Variants in AKAP13 observed in about 807,000 individuals in gnomAD.
AKAP13 encodes the protein A-kinase anchoring protein 13.
AKAP13 carries 80 observed loss-of-function variants against 264.5 expected under a neutral mutation model. The ratio of observed to expected loss-of-function variants is 0.30; its 90% CI spans 0.25 to 0.36. AKAP13 has a LOEUF of 0.36. Among genes scored for constraint, AKAP13 ranks in the 10% least tolerant of loss-of-function variants. The probability of loss-of-function intolerance (pLI) is 1.00; values close to 1 mark genes in which losing one functional copy is unlikely to be tolerated. For missense variants in AKAP13, 3,712 were observed against 3,435.2 expected, an observed-to-expected ratio of 1.08 and a Z score of -2.01; for synonymous variants, 1,380 against 1,250.2, an observed-to-expected ratio of 1.10 and a Z score of -2.19.
At chr15:85,695,464 T>G (rs2085516236) in intron 17 of AKAP13, among the ~76,000 whole-genome samples, 1 of 152,160 alleles carries the variant, frequency 6.6e-6, no homozygotes, top group Non-Finnish European at 1.5e-5. Context: ...CTGTGATGAT[T>G]TTCACTCACT....
At chr15:85,567,320 A>G (rs2078639964) in intron 5 of AKAP13, among the ~76,000 whole-genome samples, 6 of 151,990 alleles carry the variant, frequency 3.9e-5, no homozygotes. Flanking sequence ...GTTGGCCAGG[A>G]TGGTCTGGAT....
chr15:85,446,506 C>G (rs2073902551), intron 1 of AKAP13, among the ~76,000 whole-genome samples: 1 of 152,054 alleles, frequency 6.6e-6, no homozygotes, highest in South Asian at 2.1e-4. Context: ...AGGCACTTGG[C>G]AATTAGGTTA....
chr15:85,707,766 C>CT (rs2086385506), intron 17 of AKAP13, among the ~76,000 whole-genome samples: 1 of 151,824 alleles, frequency 6.6e-6, no homozygotes, highest in Non-Finnish European at 1.5e-5. Context: ...AAGCTGTAAT[C>CT]TGTCTCCTGG....
At chr15:85,653,206 T>C (rs983035175) in intron 10 of AKAP13, among the ~76,000 whole-genome samples, 1 of 152,198 alleles carries the variant, frequency 6.6e-6, no homozygotes, top group Non-Finnish European at 1.5e-5. Context: ...ACCATAGTTT[T>C]ATTTTACAGA....
intron 1 of AKAP13, among the ~76,000 whole-genome samples, chr15:85,422,891 A>G (rs535167698): frequency 1.3e-5 from 2 of 152,342 alleles, no homozygotes; most frequent in South Asian, 4.1e-4. Context: ...CTTCAGAGAT[A>G]TTGTGGGTTT....
intron 2 of AKAP13, among the ~76,000 whole-genome samples, chr15:85,500,886 A>G (rs1434828173): frequency 1.3e-5 from 2 of 152,198 alleles, no homozygotes; most frequent in Non-Finnish European, 2.9e-5. Flanking sequence ...CCCATGTGAT[A>G]TACAGAGCAT....
chr15:85,433,077 T>A (rs1056121408), intron 1 of AKAP13, among the ~76,000 whole-genome samples: 5 of 151,394 alleles, frequency 3.3e-5, no homozygotes, highest in African/African-American at 1.2e-4. Context: ...CATTATTTTC[T>A]CCTTTTTCCC....
intron 6 of AKAP13, 21 bp from the exon 7 acceptor site, chr15:85,578,909 G>C: frequency 6.3e-7 from 1 of 1,597,886 alleles, no homozygotes; most frequent in Non-Finnish European, 8.6e-7. Context: ...TTTTTTAAAA[G>C]TGTATTTCAT....
intron 14 of AKAP13, among the ~76,000 whole-genome samples, chr15:85,680,635 CAGG>C (rs1311852916): frequency 6.6e-6 from 1 of 152,112 alleles, no homozygotes; most frequent in Non-Finnish European, 1.5e-5. Context: ...GAAGCGGAGA[CAGG>C]AGGATTGCCT....
rs1596801145 is a variant in AKAP13 at position 85,631,218 on chromosome 15, A to G, written c.4162-8156A>G. ...GACTCTATTTGTATGAAATGTCCTG[A>G]GTAAGCAAATTTGTAGAGATAGAAA... is the stretch of plus-strand genomic sequence containing the variant. On this transcript the variant is annotated intron_variant, in intron 8 of 36. Coordinates refer to ENST00000394518, the MANE Select transcript of AKAP13 (RefSeq NM_007200.5). Among the ~76,000 whole-genome samples, 5 of 152,302 alleles carry G rather than the reference A, an allele frequency of 3.3e-5. 1 individual carries two copies. The South Asian group carries it at 1.0e-3, about 32-fold the overall frequency.
intron 1 of AKAP13, among the ~76,000 whole-genome samples, chr15:85,427,147 G>A (rs2072825774): frequency 6.6e-6 from 1 of 151,738 alleles, no homozygotes; most frequent in Non-Finnish European, 1.5e-5. Flanking sequence ...AGTAGAGACG[G>A]GGTTTCACCG....
At chr15:85,722,938 C>CG in intron 25 of AKAP13, 134 bp from the exon 26 acceptor site, 1 of 1,201,346 alleles carries the variant, frequency 8.3e-7, no homozygotes, top group Non-Finnish European at 1.1e-6. Flanking sequence ...CACATGATCT[C>CG]TGACGTGTTG....
intron 8 of AKAP13, among the ~76,000 whole-genome samples, chr15:85,615,377 A>AAC (rs2080890077): frequency 6.6e-6 from 1 of 152,168 alleles, no homozygotes; most frequent in Admixed American, 6.5e-5. Flanking sequence ...GCTAGGAGGG[A>AAC]ACAGTAGACC....
At chr15:85,483,549 C>T (rs2075413825) in intron 1 of AKAP13, among the ~76,000 whole-genome samples, 2 of 146,264 alleles carry the variant, frequency 1.4e-5, no homozygotes, top group African/African-American at 5.3e-5. Flanking sequence ...TGGCGTGAAC[C>T]CGGGAAGCGG....
chr15:85,604,279 T>TTTAATCAC (rs1288618002), intron 8 of AKAP13, among the ~76,000 whole-genome samples: 1 of 152,184 alleles, frequency 6.6e-6, no homozygotes, highest in Non-Finnish European at 1.5e-5. Flanking sequence ...GAAAAGCTGA[T>TTTAATCAC]TTAATCACTG....
chr15:85,705,484 A>G (rs924820235), intron 17 of AKAP13, among the ~76,000 whole-genome samples: 2 of 152,068 alleles, frequency 1.3e-5, no homozygotes, highest in African/African-American at 4.8e-5. Flanking sequence ...TAACTGGATT[A>G]TAAGACAATA....
chr15:85,740,179 A>G (rs1228096603), intron 33 of AKAP13, 43 bp from the exon 34 acceptor site: 8 of 1,610,098 alleles, frequency 5.0e-6, no homozygotes, highest in African/African-American at 1.3e-5. Context: ...TCTGAGATTC[A>G]TAAAGCCCTG....
chr15:85,593,013 G>A (rs2061818), intron 8 of AKAP13, among the ~76,000 whole-genome samples: 46,111 of 151,994 alleles, frequency 0.3, 7,376 homozygotes, highest in Middle Eastern at 0.48. Flanking sequence ...TTTGACCAGT[G>A]TGTGATTATG....
chr15:85,388,620 CAT>C (rs988280469), intron 1 of AKAP13, among the ~76,000 whole-genome samples: 12 of 152,228 alleles, frequency 7.9e-5, no homozygotes, highest in African/African-American at 2.2e-4. Flanking sequence ...TTGACATAAT[CAT>C]ATGTTTTTTC....
Sources: gnomAD v4.1 joint callset for allele counts (sites outside exome capture counted in the v4.1 genomes callset) on GRCh38, gnomAD v4.1.1 for gene constraint, MANE v1.5 for transcripts, NCBI Gene and HGNC (gene_info 2026-07-23, HGNC 2026-07-21) for gene names.